The following TMEM245 variants were observed in gnomAD, a reference collection of about 807,000 sequenced individuals.
The protein encoded by TMEM245 is protein CG-2.
Under a neutral mutation model 101.2 loss-of-function variants are expected in TMEM245, and 69 were observed. That is an observed-to-expected ratio of 0.68 (90% confidence interval 0.56 to 0.83). TMEM245 has a LOEUF of 0.83. TMEM245 is among the 40% of genes least tolerant of loss of function. The pLI is 0.00. For missense variants in TMEM245, 1,075 were observed against 1,092.8 expected (o/e 0.98, Z 0.23); for synonymous variants, 537 against 449.8 (o/e 1.19, Z -2.45).
At chr9:109,034,668 G>A (rs1431591500) in intron 16 of TMEM245, among the ~76,000 whole-genome samples, 1 of 151,984 alleles carries the variant, frequency 6.6e-6, no homozygotes, top group Non-Finnish European at 1.5e-5. Flanking sequence ...CTGGTCTTGA[G>A]CTCCTGGGCT....
At chr9:109,059,125 G>A (rs1167037815) in intron 11 of TMEM245, among the ~76,000 whole-genome samples, 1 of 152,122 alleles carries the variant, frequency 6.6e-6, no homozygotes, top group Non-Finnish European at 1.5e-5. Context: ...CCCAGAGTTA[G>A]CAAAAGAAAT....
chr9:109,088,876 C>T (rs1829918726), intron 5 of TMEM245, among the ~76,000 whole-genome samples: 1 of 49,554 alleles, frequency 2.0e-5, no homozygotes, highest in Non-Finnish European at 4.0e-5. Flanking sequence ...AACTGTTCCA[C>T]TCAGTTTAAC....
intron 14 of TMEM245, among the ~76,000 whole-genome samples, chr9:109,047,271 A>G (rs1451209793): frequency 6.6e-6 from 1 of 152,244 alleles, no homozygotes; most frequent in African/African-American, 2.4e-5. Flanking sequence ...AGCTACTGTT[A>G]TAATACATAA....
intron 10 of TMEM245, 101 bp downstream of exon 10, chr9:109,064,376 T>A: frequency 9.9e-7 from 1 of 1,011,436 alleles, no homozygotes; most frequent in Non-Finnish European, 1.5e-6. Flanking sequence ...GCCTATTTAC[T>A]GCTGTGAATA....
chr9:109,092,200 A>G (rs1298449679), intron 4 of TMEM245, among the ~76,000 whole-genome samples: 1 of 152,220 alleles, frequency 6.6e-6, no homozygotes. Flanking sequence ...AATTCCTGGC[A>G]CATACAATAG....
At chr9:109,048,929 G>T (rs886556459) in intron 14 of TMEM245, among the ~76,000 whole-genome samples, 29 of 152,202 alleles carry the variant, frequency 1.9e-4, no homozygotes, top group African/African-American at 7.0e-4. Flanking sequence ...TGCATTTCCA[G>T]TATCCAACCT....
At chr9:109,110,665 G>C (rs779746349) in intron 1 of TMEM245, among the ~76,000 whole-genome samples, 1 of 151,984 alleles carries the variant, frequency 6.6e-6, no homozygotes, top group South Asian at 2.1e-4. Flanking sequence ...TGAAAGACTA[G>C]AGGCACAATA....
At chr9:109,038,251 A>G (rs566107081) in intron 14 of TMEM245, 134 bp from the exon 15 acceptor site, 7 of 527,522 alleles carry the variant, frequency 1.3e-5, no homozygotes, top group African/African-American at 1.2e-4. Context: ...TGCTATTTTC[A>G]TTTTATTTCA....
At chr9:109,095,952 A>G (rs1235267495) in intron 3 of TMEM245, among the ~76,000 whole-genome samples, 1 of 152,226 alleles carries the variant, frequency 6.6e-6, no homozygotes, top group Non-Finnish European at 1.5e-5. Flanking sequence ...ACTATAGGCA[A>G]GACATGATGC....
chr9:109,019,693 G>A lies in TMEM245; in HGVS notation c.*767C>T, dbSNP rs1014698533. ...ATTTTTCACTTCAACCACCTGGAAG[G>A]AGAAAACCTAATAACAGCATGAATT... On this transcript the variant is annotated 3_prime_UTR_variant, in exon 18 of 18. Transcript: ENST00000374586. 1 of 152,522 alleles carries A rather than the reference G, an allele frequency of 6.6e-6. No homozygotes were observed. 9.4% of individuals were successfully genotyped at this position (152,522 alleles called of 1,614,324 possible). A position where few individuals can be genotyped will look rare whatever the true frequency, so the allele number is the denominator to read the frequency against.
In TMEM245 at chr9:109,119,447, C is replaced by A; in HGVS notation, c.467G>T (p.Gly156Val). The change falls in exon 1 of 18, where the codon GGC (glycine) becomes GTC (valine). Residue 156 changes from glycine to valine, a missense_variant. By Grantham distance (109) the Gly-to-Val change is moderately radical. Coordinates refer to ENST00000374586, the MANE Select transcript of TMEM245 (RefSeq NM_032012.4). ...RRLLLLLGAG[G>V]PLLYGLYCLG... is the part of the protein sequence containing the mutation. ...GCAGTAGAGGCCGTACAGGAGCGGG[C>A]CGCCGGCGCCGAGCAGCAGGAGCAG... The A allele has an allele frequency of 3.3e-6, 5 of 1,504,796 alleles. No individual in the cohort carries two copies. The highest frequency in any genetic ancestry group is 4.4e-6 in the Non-Finnish European group (5 of 1,134,326). The allele number at this position is 1,504,796 out of a possible 1,614,324, so 93.2% of individuals were successfully genotyped here. A position where few individuals can be genotyped will look rare whatever the true frequency, so the allele number is the denominator to read the frequency against.
intron 11 of TMEM245, 117 bp downstream of exon 11, chr9:109,060,237 G>A: frequency 2.7e-6 from 2 of 731,326 alleles, no homozygotes; most frequent in South Asian, 4.0e-5. Context: ...TTAAGGTTTT[G>A]CTGTTTTGAA....
chr9:109,033,325 C>T lies in TMEM245; in HGVS notation c.2576G>A (p.Trp859Ter). The T allele has an allele frequency of 6.2e-7, 1 of 1,611,258 alleles. No homozygotes were observed. The highest frequency in any genetic ancestry group is 8.5e-7 in the Non-Finnish European group (1 of 1,178,674). Reference protein sequence around the residue: ...NSVPTPNQTPWPAQPQRTFRD... With the variant: ...NSVPTPNQTP ...AACTCACCGCTGAGGCTGAGCAGGC[C>T]ATGGGGTCTGGTTTGGCGTGGGAAC... Residue 859 changes from tryptophan to a stop codon, truncating the protein, a stop_gained, in exon 17 of 18, where the codon TGG (tryptophan) becomes TAG (stop). Transcript: ENST00000374586. LOFTEE classifies it high-confidence loss of function.
chr9:109,099,947 C>G (rs1830241944), intron 3 of TMEM245, among the ~76,000 whole-genome samples: 2 of 152,188 alleles, frequency 1.3e-5, no homozygotes, highest in Non-Finnish European at 2.9e-5. Flanking sequence ...CGTGATGATA[C>G]AGCAAGAAGA....
rs77625742 is a variant in TMEM245 at position 109,023,021 on chromosome 9, A to G, written c.2595-2516T>C. Among the ~76,000 whole-genome samples the G allele has an allele frequency of 9.8e-4, 150 of 152,342 alleles. 1 individual carries two copies. The highest frequency in any genetic ancestry group is 3.4e-3 in the African/African-American group (140 of 41,588). On this transcript the variant is annotated intron_variant, in intron 17 of 17. Coordinates refer to ENST00000374586, the MANE Select transcript of TMEM245 (RefSeq NM_032012.4). ...AGTCACTGCTCTCTGTTGACAAGTGAGCTTAGCTGTAACCTTGAAATTCCT... is the reference window on the plus strand; with the variant it reads ...AGTCACTGCTCTCTGTTGACAAGTGGGCTTAGCTGTAACCTTGAAATTCCT...
chr9:109,058,101 T>C (rs551208329), intron 11 of TMEM245, among the ~76,000 whole-genome samples: 2 of 151,076 alleles, frequency 1.3e-5, no homozygotes, highest in Non-Finnish European at 3.0e-5. Context: ...CCCAGGTTCA[T>C]GCCATTCTCC....
chr9:109,103,951 G>A (rs1331265468), intron 3 of TMEM245, among the ~76,000 whole-genome samples: 3 of 151,986 alleles, frequency 2.0e-5, no homozygotes, highest in East Asian at 3.9e-4. Context: ...CAGGCATGAT[G>A]GCGGGTGCCT....
Position 109,119,368 on chromosome 9 carries a change from G to C in TMEM245, c.546C>G (p.Ile182Met). 6.5e-7 allele frequency: 1 copy of C among 1,531,252 alleles called. No homozygotes were observed. The highest frequency in any genetic ancestry group is 8.7e-7 in the Non-Finnish European group (1 of 1,142,996). The allele number at this position is 1,531,252 out of a possible 1,614,324, so 94.9% of individuals were successfully genotyped here. The change falls in exon 1 of 18, where the codon ATC (isoleucine) becomes ATG (methionine). Residue 182 changes from isoleucine (I) to methionine (M), a missense_variant. Ile to Met is a conservative substitution (Grantham distance 10). Coordinates refer to ENST00000374586, the MANE Select transcript of TMEM245 (RefSeq NM_032012.4). ...TGCTGAAGTAGTCCAGCCCGCGGCA[G>C]ATGAGCGTGGCAGCGTGCACCAGCA... ...QVLLVHAATL[I>M]CRGLDYFSSL...
chr9:109,031,110 T>A (rs1298037959), intron 17 of TMEM245, among the ~76,000 whole-genome samples: 1 of 152,198 alleles, frequency 6.6e-6, no homozygotes, highest in Non-Finnish European at 1.5e-5. Flanking sequence ...CTGTCCTTCT[T>A]TTTTGTTGTT....
Sources: allele counts gnomAD v4.1 joint callset (sites outside exome capture counted in the v4.1 genomes callset), GRCh38; gene constraint gnomAD v4.1.1; transcripts MANE v1.5; gene names NCBI Gene and HGNC (gene_info 2026-07-23, HGNC 2026-07-21).